The following GPX5 variants were observed in gnomAD, a reference collection of about 807,000 sequenced individuals.
GPX5 encodes glutathione peroxidase 5.
GPX5 carries 20 observed loss-of-function variants against 23.8 expected under a neutral mutation model. The observed-to-expected ratio is 0.84, with a 90% CI of 0.59 to 1.22. GPX5 has a LOEUF of 1.22. Ranked by LOEUF, GPX5 falls within the 50% of genes most tolerant of loss-of-function variation. The pLI is 0.00. For missense variants in GPX5, 230 were observed against 266.6 expected (o/e 0.86, Z 0.96); for synonymous variants, 92 against 99.5 (o/e 0.92, Z 0.45).
chr6:28,529,749 G>C, intron 2 of GPX5, 145 bp downstream of exon 2: 1 of 772,176 alleles, frequency 1.3e-6, no homozygotes, highest in South Asian at 2.6e-5. Context: ...CATATCAGAA[G>C]TCAGCAAGCT....
chr6:28,527,009 A>G (rs1581851663), intron 1 of GPX5: 1 of 152,222 alleles, frequency 6.6e-6, no homozygotes, highest in East Asian at 1.9e-4. Flanking sequence ...TTGAGAATTG[A>G]TATGGTTTTT....
intron 4 of GPX5, among the ~76,000 whole-genome samples, chr6:28,533,100 A>G (rs1763357488): frequency 6.6e-6 from 1 of 152,222 alleles, no homozygotes; most frequent in Admixed American, 6.5e-5. Flanking sequence ...CACACTAGGC[A>G]ACCAAGCAAG....
At position 28,534,223 on chromosome 6, in the gene GPX5, C is replaced by A. The variant is rs911841599; in HGVS notation, c.*56C>A. 23 of 1,275,846 alleles carry A rather than the reference C, an allele frequency of 1.8e-5. No individual in the cohort carries two copies. The highest frequency in any genetic ancestry group is 2.4e-5 in the Non-Finnish European group (22 of 932,968). The allele number at this position is 1,275,846 out of a possible 1,614,324, so 79.0% of individuals were successfully genotyped here. A position where few individuals can be genotyped will look rare whatever the true frequency, so the allele number is the denominator to read the frequency against. On this transcript the variant is annotated 3_prime_UTR_variant, in exon 5 of 5. Transcript: ENST00000412168. The stretch of plus-strand genomic sequence containing the variant: ...ACTTCTCACCTAATGACTTGCTCTC[C>A]CCACCCCTCCAAAAAAAAGGAATAC...
intron 1 of GPX5, chr6:28,528,279 TA>T (rs1763244200): frequency 6.6e-6 from 1 of 152,176 alleles, no homozygotes; most frequent in Non-Finnish European, 1.5e-5. Flanking sequence ...TCTAGAATGT[TA>T]AACATGGAAG....
chr6:28,531,969 AG>A (rs1489042380), intron 3 of GPX5, 74 bp downstream of exon 3: 2 of 1,055,740 alleles, frequency 1.9e-6, no homozygotes, highest in African/African-American at 3.2e-5. Context: ...CTTCCAGCTC[AG>A]GAACTTTCTG....
chr6:28,529,893 T>G, intron 2 of GPX5: 1 of 277,838 alleles, frequency 3.6e-6, no homozygotes, highest in Non-Finnish European at 6.6e-6. Context: ...GTTGTAGGAG[T>G]AGTGATGATG....
At chr6:28,531,637 A>G (rs1763324544) in intron 2 of GPX5, 141 bp from the exon 3 acceptor site, 1 of 660,388 alleles carries the variant, frequency 1.5e-6, no homozygotes, top group Non-Finnish European at 2.7e-6. Context: ...CAGCTATGCT[A>G]CTAACAGCCC....
intron 3 of GPX5, 48 bp downstream of exon 3, chr6:28,531,943 T>C: frequency 7.5e-7 from 1 of 1,335,074 alleles, no homozygotes; most frequent in Non-Finnish European, 1.1e-6. Flanking sequence ...GTACCTTTCC[T>C]CAGTCTCCAG....
intron 4 of GPX5, 27 bp downstream of exon 4, chr6:28,532,447 C>G (rs368538290): frequency 7.4e-7 from 1 of 1,351,348 alleles, no homozygotes; most frequent in Admixed American, 1.9e-5. Flanking sequence ...CATAAGCCTC[C>G]TCCTCTTTTC....
intron 1 of GPX5, 26 bp downstream of exon 1, chr6:28,526,126 G>A (rs1562008062): frequency 1.9e-6 from 3 of 1,544,602 alleles, no homozygotes; most frequent in Non-Finnish European, 2.7e-6. Context: ...AGAGGGCATG[G>A]TAGTTACTCT....
chr6:28,525,909 A>C lies in GPX5; in HGVS notation c.-105A>C. 1 of 809,994 alleles carries C rather than the reference A, an allele frequency of 1.2e-6. No homozygotes were observed. Among genetic ancestry groups the C allele is most frequent in the Non-Finnish European group, 2.1e-6 (1 of 466,410 alleles). The allele number at this position is 809,994 out of a possible 1,614,324, so 50.2% of individuals were successfully genotyped here. A position where few individuals can be genotyped will look rare whatever the true frequency, so the allele number is the denominator to read the frequency against. ...CGTCGGGAATCCTTGCAGCCCTGTG[A>C]CTGGCCTGTGGGGGCTTGGGCTAAG... On this transcript the variant is annotated 5_prime_UTR_variant, in exon 1 of 5. Coordinates refer to ENST00000412168, the MANE Select transcript of GPX5 (RefSeq NM_001509.3).
At chr6:28,531,205 C>CCTT in intron 2 of GPX5, among the ~76,000 whole-genome samples, 7 of 133,060 alleles carry the variant, frequency 5.3e-5, no homozygotes, top group Non-Finnish European at 1.2e-4. Flanking sequence ...CCCGTCTCTA[C>CCTT]TAAAAATACA....
Position 28,532,402 on chromosome 6 carries a change from A to G in GPX5, c.441A>G (p.Lys147=). 1.3e-6 allele frequency: 2 copies of G among 1,589,130 alleles called. No individual in the cohort carries two copies. Among genetic ancestry groups the G allele is most frequent in the South Asian group, 2.3e-5 (2 of 86,442 alleles). ...ATGTGAATGGTGAAAAAGAACAGAA[A>G]GTCTTCAGTTTCTTGAAGGTGAGTA... The part of the protein sequence containing the change: ...KGDVNGEKEQ[K]VFSFLKHSCP... The change falls in exon 4 of 5, where the codon AAA becomes AAG. Residue 147 remains lysine, a synonymous_variant. Transcript: ENST00000412168.
chr6:28,526,050 C>G lies in GPX5; in HGVS notation c.37C>G (p.Leu13Val), dbSNP rs774912200. 2 of 1,613,108 alleles carry G rather than the reference C, an allele frequency of 1.2e-6. No homozygotes were observed. ...TQLRVVHLLP[L>V]LLACFVQTSP... The stretch of plus-strand genomic sequence containing the variant: ...GTTAAGGGTCGTCCATCTGCTTCCC[C>G]TTCTCCTAGCCTGCTTTGTGCAAAC... Residue 13 changes from leucine (L) to valine (V), a missense_variant, in exon 1 of 5, where the codon CTT becomes GTT. By Grantham distance (32) the Leu-to-Val change is conservative (BLOSUM62 1). Coordinates refer to ENST00000412168, the MANE Select transcript of GPX5 (RefSeq NM_001509.3).
At chr6:28,531,391 AAAGAAAAGAAAAG>A (rs1254322251) in intron 2 of GPX5, among the ~76,000 whole-genome samples, 1,170 of 62,650 alleles carry the variant, frequency 0.019, 85 homozygotes, top group African/African-American at 0.064. Context: ...AAAAAAAAAA[AAAGAAAAGAAAAG>A]AAAAGAAAAG....
In GPX5 at chr6:28,534,199, C is replaced by T. The variant is rs749579808; in HGVS notation, c.*32C>T. 4 of 1,467,490 alleles carry T rather than the reference C, an allele frequency of 2.7e-6. No individual in the cohort carries two copies. Among genetic ancestry groups the T allele is most frequent in the Admixed American group, 2.2e-5 (1 of 46,232 alleles). The allele number at this position is 1,467,490 out of a possible 1,614,324, so 90.9% of individuals were successfully genotyped here. A position where few individuals can be genotyped will look rare whatever the true frequency, so the allele number is the denominator to read the frequency against. On this transcript the variant is annotated 3_prime_UTR_variant, in exon 5 of 5. Transcript: ENST00000412168. ...GGAGTTAAGGGCAGGAGCAACCCTA[C>T]TTCTCACCTAATGACTTGCTCTCCC...
chr6:28,526,282 A>AATATGACTAGGGAAGAAAGGGTCTCC (rs905463586), intron 1 of GPX5, among the ~76,000 whole-genome samples, 182 bp downstream of exon 1: 15 of 152,146 alleles, frequency 9.9e-5, no homozygotes, highest in Non-Finnish European at 1.3e-4. Context: ...CCTTGCGTTG[A>AATATGACTAGGGAAGAAAGGGTCTCC]ATATGACTAG....
chr6:28,527,526 G>A (rs1367447532), intron 1 of GPX5, among the ~76,000 whole-genome samples: 1 of 152,132 alleles, frequency 6.6e-6, no homozygotes, highest in Non-Finnish European at 1.5e-5. Flanking sequence ...GTTTTGCTTT[G>A]TTTTGCATTA....
chr6:28,529,091 A>T (rs907762808), intron 1 of GPX5, among the ~76,000 whole-genome samples: 1 of 146,898 alleles, frequency 6.8e-6, no homozygotes, highest in Non-Finnish European at 1.5e-5. Context: ...CTTTCTAACT[A>T]TCTTTTTTTT....
Sources: gnomAD v4.1 joint callset for allele counts (sites outside exome capture counted in the v4.1 genomes callset) on GRCh38, gnomAD v4.1.1 for gene constraint, MANE v1.5 for transcripts, NCBI Gene and HGNC (gene_info 2026-07-23, HGNC 2026-07-21) for gene names.